The following DNAJC12 variants were observed in gnomAD, a reference collection of about 807,000 sequenced individuals.
DNAJC12 encodes the protein dnaJ homolog subfamily C member 12.
In DNAJC12, 25 loss-of-function variants were observed where a neutral mutation model predicts 28.5. The observed-to-expected ratio is 0.88, with a 90% CI of 0.64 to 1.22. DNAJC12 has a LOEUF of 1.22. DNAJC12 is among the 50% of genes most tolerant of loss of function. The probability of loss-of-function intolerance (pLI) is 0.00; values close to 1 mark genes in which losing one functional copy is unlikely to be tolerated. For missense variants in DNAJC12, 222 were observed against 231.7 expected (o/e 0.96, Z 0.27); for synonymous variants, 77 against 80.6 (o/e 0.95, Z 0.24).
At chr10:67,798,791 G>A (rs1299088573) in intron 4 of DNAJC12, among the ~76,000 whole-genome samples, 1 of 146,404 alleles carries the variant, frequency 6.8e-6, no homozygotes, top group Non-Finnish European at 1.5e-5. Context: ...CTGAAACGGA[G>A]TTTCGCTCTT....
chr10:67,808,624 CAA>C (rs1841827708), intron 3 of DNAJC12: 1 of 152,036 alleles, frequency 6.6e-6, no homozygotes, highest in African/African-American at 2.4e-5. Flanking sequence ...CACACACACA[CAA>C]ACACACAGGG....
chr10:67,804,234 T>C (rs1269553107), intron 4 of DNAJC12, among the ~76,000 whole-genome samples: 1 of 152,198 alleles, frequency 6.6e-6, no homozygotes, highest in East Asian at 1.9e-4. Flanking sequence ...GCCAGCCAGA[T>C]AGACAAATGA....
Position 67,821,755 on chromosome 10 carries a change from G to A in DNAJC12, c.157+1559C>T, listed in dbSNP as rs1306940723. On this transcript the variant is annotated intron_variant, in intron 2 of 4. Coordinates refer to ENST00000225171, the MANE Select transcript of DNAJC12 (RefSeq NM_021800.3). ...GCAATCCAAGCATGAAATGATGGGGGCTTACCTACAGCAATGGCACCCAGC... is the reference window on the plus strand; with the variant it reads ...GCAATCCAAGCATGAAATGATGGGGACTTACCTACAGCAATGGCACCCAGC... Among the ~76,000 whole-genome samples, 3 of 152,140 alleles carry A rather than the reference G, an allele frequency of 2.0e-5. No individual in the cohort carries two copies. The East Asian group carries it at 5.8e-4, about 29-fold the overall frequency.
intron 4 of DNAJC12, among the ~76,000 whole-genome samples, chr10:67,799,829 G>C (rs1447110429): frequency 5.3e-5 from 8 of 150,620 alleles, no homozygotes; most frequent in African/African-American, 2.0e-4. Context: ...GTTGCAGTGA[G>C]CCAGGATCAC....
chr10:67,805,189 T>G (rs947120101), intron 4 of DNAJC12, among the ~76,000 whole-genome samples: 2 of 152,150 alleles, frequency 1.3e-5, no homozygotes, highest in Non-Finnish European at 2.9e-5. Context: ...CCTCCTGGCC[T>G]TTGGTTTTCT....
chr10:67,819,263 G>A (rs532003676), intron 2 of DNAJC12, among the ~76,000 whole-genome samples: 2 of 152,080 alleles, frequency 1.3e-5, no homozygotes, highest in South Asian at 4.2e-4. Context: ...AACCCGGGAG[G>A]CGGAGCTTGC....
intron 4 of DNAJC12, among the ~76,000 whole-genome samples, chr10:67,798,264 AC>A (rs1439326005): frequency 4.6e-5 from 7 of 152,108 alleles, no homozygotes; most frequent in Admixed American, 3.9e-4. Context: ...CTTAATATTT[AC>A]CATTATAGAA....
intron 1 of DNAJC12, among the ~76,000 whole-genome samples, chr10:67,836,935 A>G (rs1842147351): frequency 6.7e-6 from 1 of 150,126 alleles, no homozygotes; most frequent in Non-Finnish European, 1.5e-5. Context: ...ACATAAATAT[A>G]TCCTAATAAC....
rs911075495 is a variant in DNAJC12 at position 67,797,184 on chromosome 10, G to A, written c.529C>T (p.Leu177Phe). 8 of 1,613,590 alleles carry A rather than the reference G, an allele frequency of 5.0e-6. No individual in the cohort carries two copies. The African/African-American group carries it at 1.1e-4, about 22-fold the overall frequency. The change falls in exon 5 of 5, where the codon CTT (leucine) becomes TTT (phenylalanine). Residue 177 changes from leucine (L) to phenylalanine (F), a missense_variant. By Grantham distance (22) the Leu-to-Phe change is conservative (BLOSUM62 0). Transcript: ENST00000225171. Reference protein sequence around the residue: ...SGFADVNGWHLRFRWSKDAPS... With the variant: ...SGFADVNGWHFRFRWSKDAPS... ...GCATCCTTGGACCAGCGGAAACGAA[G>A]GTGCCAACCATTCACATCTGCAAAA...
chr10:67,805,655 C>A lies in DNAJC12; in HGVS notation c.430G>T (p.Ala144Ser), dbSNP rs74142901. ...ERKKEELASTAEKTEQKEPKP... is the reference protein window; with the variant it reads ...ERKKEELASTSEKTEQKEPKP... ...GGTTCTTTCTGCTCCGTTTTCTCTG[C>A]GGTTGAAGCCAGCTCCTCTTTCTTT... The change falls in exon 4 of 5, where the codon GCA becomes TCA. Residue 144 changes from alanine to serine, a missense_variant. Transcript: ENST00000225171. 207 of 1,613,554 alleles carry A rather than the reference C, an allele frequency of 1.3e-4. No homozygotes were observed. Among genetic ancestry groups the A allele is most frequent in the Middle Eastern group, 1.6e-4 (1 of 6,062 alleles).
intron 4 of DNAJC12, among the ~76,000 whole-genome samples, chr10:67,799,351 G>A (rs1157666801): frequency 1.3e-5 from 2 of 151,848 alleles, no homozygotes; most frequent in Admixed American, 6.6e-5. Context: ...TTTTCATTTG[G>A]GGAAAAAGCA....
intron 1 of DNAJC12, chr10:67,825,254 G>A (rs1182441347): frequency 6.6e-6 from 1 of 152,192 alleles, no homozygotes; most frequent in Non-Finnish European, 1.5e-5. Flanking sequence ...ACTAAAAAGA[G>A]CTGAGTTTTT....
At chr10:67,805,233 C>T (rs1841786938) in intron 4 of DNAJC12, among the ~76,000 whole-genome samples, 1 of 151,896 alleles carries the variant, frequency 6.6e-6, no homozygotes. Context: ...TGATATCAGC[C>T]TCACAAGCTT....
At chr10:67,798,397 A>G (rs975964650) in intron 4 of DNAJC12, among the ~76,000 whole-genome samples, 1 of 151,980 alleles carries the variant, frequency 6.6e-6, no homozygotes, top group Non-Finnish European at 1.5e-5. Context: ...TAAAAAAAGA[A>G]GGCCCAGCAT....
chr10:67,801,836 CTTTTTTT>C (rs577511924), intron 4 of DNAJC12, among the ~76,000 whole-genome samples: 2 of 26,132 alleles, frequency 7.7e-5, no homozygotes, highest in Admixed American at 7.3e-4. Context: ...CCACTTCATT[CTTTTTTT>C]TTTTTTTTTT....
chr10:67,833,135 C>T (rs994297018), intron 1 of DNAJC12, among the ~76,000 whole-genome samples: 8 of 152,042 alleles, frequency 5.3e-5, no homozygotes, highest in African/African-American at 1.9e-4. Flanking sequence ...GGCTTGGATC[C>T]TAGAACAGAA....
intron 3 of DNAJC12, among the ~76,000 whole-genome samples, chr10:67,809,030 G>A (rs541609942): frequency 2.0e-5 from 3 of 152,290 alleles, no homozygotes; most frequent in East Asian, 3.9e-4. Context: ...AGGTCCACAC[G>A]AGGCTGACCC....
rs1431521847 is a variant in DNAJC12 at position 67,819,669 on chromosome 10, A to G, written c.157+3645T>C. Among the ~76,000 whole-genome samples the G allele has an allele frequency of 4.8e-4, 3 of 6,190 alleles. No individual in the cohort carries two copies. In the South Asian group the frequency reaches 0.034, roughly 70 times the overall value. 4.1% of individuals were successfully genotyped at this position (6,190 alleles called of 152,430 possible). ...GAAAGAAAGAAAGAAAGAGAAAGAA[A>G]GAAAGAAAGAAAGAAAGAAAGAAAG... On this transcript the variant is annotated intron_variant, in intron 2 of 4. Transcript: ENST00000225171.
chr10:67,821,590 A>G (rs554837667), intron 2 of DNAJC12, among the ~76,000 whole-genome samples: 4 of 152,326 alleles, frequency 2.6e-5, no homozygotes, highest in Admixed American at 6.5e-5. Context: ...AGAGATTTCA[A>G]TTGCACTGGT....
Sources: gnomAD v4.1 joint callset for allele counts (sites outside exome capture counted in the v4.1 genomes callset) on GRCh38, gnomAD v4.1.1 for gene constraint, MANE v1.5 for transcripts, NCBI Gene and HGNC (gene_info 2026-07-23, HGNC 2026-07-21) for gene names.